GUCY2C: variants seen among roughly 807,000 people sequenced by gnomAD.
The protein encoded by GUCY2C is guanylyl cyclase C.
GUCY2C carries 118 observed loss-of-function variants against 131.1 expected under a neutral mutation model. The observed-to-expected ratio is 0.90, with a 90% CI of 0.78 to 1.05. The LOEUF (loss-of-function observed/expected upper bound fraction) is 1.05. Among genes scored for constraint, GUCY2C ranks in the 50% least tolerant of loss-of-function variants. The pLI is 0.00. For synonymous variants in GUCY2C, 452 were observed against 457.8 expected (o/e 0.99, Z 0.16); for missense variants, 1,161 against 1,304.4 (o/e 0.89, Z 1.69).
chr12:14,646,658 C>A (rs1186200394), intron 15 of GUCY2C, among the ~76,000 whole-genome samples: 1 of 152,076 alleles, frequency 6.6e-6, no homozygotes, highest in Non-Finnish European at 1.5e-5. Context: ...TTTTAGTCTT[C>A]TTTAATGTAG....
intron 10 of GUCY2C, among the ~76,000 whole-genome samples, chr12:14,663,108 A>C (rs867511037): frequency 6.6e-6 from 1 of 152,260 alleles, no homozygotes; most frequent in African/African-American, 2.4e-5. Context: ...CAAAAAATTA[A>C]TAGATAACTG....
intron 20 of GUCY2C, among the ~76,000 whole-genome samples, chr12:14,626,270 G>A (rs1947014728): frequency 1.3e-5 from 2 of 152,118 alleles, no homozygotes; most frequent in South Asian, 2.1e-4. Flanking sequence ...GCAGTGAGTC[G>A]AGATCATGCC....
intron 19 of GUCY2C, among the ~76,000 whole-genome samples, chr12:14,629,349 G>A (rs1219440136): frequency 6.6e-6 from 1 of 152,148 alleles, no homozygotes. Flanking sequence ...TTTAGCAGGA[G>A]ACAAGATAAG....
chr12:14,660,482 T>C (rs754462715), intron 11 of GUCY2C, among the ~76,000 whole-genome samples: 1 of 152,220 alleles, frequency 6.6e-6, no homozygotes, highest in Non-Finnish European at 1.5e-5. Context: ...ACTTTCTGGG[T>C]TCTCTTTCCT....
intron 9 of GUCY2C, among the ~76,000 whole-genome samples, chr12:14,671,696 T>G (rs1425897775): frequency 6.6e-6 from 1 of 152,204 alleles, no homozygotes; most frequent in Non-Finnish European, 1.5e-5. Context: ...TGAAGTATAG[T>G]TATGAGACTG....
intron 7 of GUCY2C, among the ~76,000 whole-genome samples, chr12:14,676,197 C>T (rs923868856): frequency 2.6e-5 from 4 of 152,188 alleles, no homozygotes; most frequent in African/African-American, 9.7e-5. Flanking sequence ...TATGAAAGTA[C>T]AGGGACTGAC....
At position 14,696,199 on chromosome 12, in the gene GUCY2C, G is replaced by C. The variant is rs565108190; in HGVS notation, c.217+33C>G. The stretch of plus-strand genomic sequence containing the variant: ...CATTTTGTCCCCAGAGGTAGTAACA[G>C]AGTGGAGGAAGATTCTATTAACATT... On this transcript the variant is annotated intron_variant, in intron 1 of 26. Coordinates refer to ENST00000261170, the MANE Select transcript of GUCY2C (RefSeq NM_004963.4). 2.0e-6 allele frequency: 3 copies of C among 1,518,744 alleles called. No homozygotes were observed. In the South Asian group the frequency reaches 3.4e-5, roughly 17 times the overall value. 94.1% of individuals were successfully genotyped at this position (1,518,744 alleles called of 1,614,324 possible).
intron 3 of GUCY2C, 22 bp downstream of exon 3, chr12:14,686,139 A>C (rs763726337): frequency 1.4e-5 from 20 of 1,436,112 alleles, no homozygotes; most frequent in South Asian, 4.6e-5. Context: ...TCCTGACTTC[A>C]GTTCACAGTA....
At chr12:14,634,610 C>T (rs552298683) in intron 19 of GUCY2C, among the ~76,000 whole-genome samples, 2 of 152,324 alleles carry the variant, frequency 1.3e-5, no homozygotes, top group South Asian at 4.1e-4. Flanking sequence ...TAAGCCCTTA[C>T]ATAATAATAA....
At chr12:14,625,147 T>C (rs987948569) in intron 21 of GUCY2C, among the ~76,000 whole-genome samples, 4 of 152,096 alleles carry the variant, frequency 2.6e-5, no homozygotes, top group Admixed American at 6.5e-5. Flanking sequence ...GCCTCCTAGT[T>C]TTCTTGCAGG....
At chr12:14,620,569 C>T (rs1169015771) in intron 23 of GUCY2C, among the ~76,000 whole-genome samples, 1 of 152,116 alleles carries the variant, frequency 6.6e-6, no homozygotes, top group Non-Finnish European at 1.5e-5. Flanking sequence ...GACTCATGTA[C>T]TTTCTGTATA....
chr12:14,669,346 G>A (rs1056966230), intron 10 of GUCY2C, among the ~76,000 whole-genome samples: 2 of 151,508 alleles, frequency 1.3e-5, no homozygotes, highest in African/African-American at 2.4e-5. Flanking sequence ...CTGGGAACAC[G>A]GCTGTGTGCC....
At chr12:14,649,953 C>G (rs1461725180) in intron 15 of GUCY2C, among the ~76,000 whole-genome samples, 1 of 151,994 alleles carries the variant, frequency 6.6e-6, no homozygotes. Flanking sequence ...GAAACTTTCC[C>G]TTTTTAAAGA....
At chr12:14,618,264 G>T (rs1337061589) in intron 24 of GUCY2C, among the ~76,000 whole-genome samples, 1 of 152,090 alleles carries the variant, frequency 6.6e-6, no homozygotes, top group Non-Finnish European at 1.5e-5. Context: ...CAACACTTTG[G>T]GGCTTTGGGG....
At chr12:14,622,269 G>C in intron 21 of GUCY2C, 72 bp from the exon 22 acceptor site, 1 of 973,614 alleles carries the variant, frequency 1.0e-6, no homozygotes, top group Non-Finnish European at 1.5e-6. Flanking sequence ...AAATCTTTCA[G>C]GTAGTAGTGA....
rs534637276 is a variant in GUCY2C at position 14,691,787 on chromosome 12, C to G, written c.218-3724G>C. Among the ~76,000 whole-genome samples, 24 of 152,310 alleles carry G rather than the reference C, an allele frequency of 1.6e-4. No homozygotes were observed. In the South Asian group the frequency reaches 5.0e-3, roughly 32 times the overall value. On this transcript the variant is annotated intron_variant, in intron 1 of 26. Coordinates refer to ENST00000261170, the MANE Select transcript of GUCY2C (RefSeq NM_004963.4). The stretch of plus-strand genomic sequence containing the variant: ...AACATCTGTTGAGTGTGACCTCAGA[C>G]AAGTGACTTCCCTACTGGGCCCCAG...
intron 10 of GUCY2C, 101 bp from the exon 11 acceptor site, chr12:14,661,163 C>G (rs1488048794): frequency 3.4e-5 from 25 of 727,676 alleles, no homozygotes; most frequent in Non-Finnish European, 6.0e-5. Flanking sequence ...AAAAGAGAAC[C>G]CTTTAAAAAA....
intron 13 of GUCY2C, among the ~76,000 whole-genome samples, chr12:14,652,584 A>G (rs1232201077): frequency 6.6e-6 from 1 of 152,184 alleles, no homozygotes; most frequent in African/African-American, 2.4e-5. Flanking sequence ...GAAGGGAGGG[A>G]GGGAAGAAAG....
At chr12:14,695,469 T>C (rs1406429839) in intron 1 of GUCY2C, among the ~76,000 whole-genome samples, 1 of 151,704 alleles carries the variant, frequency 6.6e-6, no homozygotes, top group Non-Finnish European at 1.5e-5. Flanking sequence ...GGCATGGTGG[T>C]GGGCACCTGT....
Sources: allele counts gnomAD v4.1 joint callset (sites outside exome capture counted in the v4.1 genomes callset), GRCh38; gene constraint gnomAD v4.1.1; transcripts MANE v1.5; gene names NCBI Gene and HGNC (gene_info 2026-07-23, HGNC 2026-07-21).